MCF2L2: variants seen among roughly 807,000 people sequenced by gnomAD.
The protein encoded by MCF2L2 is probable guanine nucleotide exchange factor MCF2L2.
MCF2L2 carries 102 observed loss-of-function variants against 150.2 expected under a neutral mutation model. The ratio of observed to expected loss-of-function variants is 0.68; its 90% CI spans 0.58 to 0.80. MCF2L2 has a LOEUF of 0.80. Ranked by LOEUF, MCF2L2 falls within the 30% of genes least tolerant of loss-of-function variation. The probability of loss-of-function intolerance (pLI) is 0.00; values close to 1 mark genes in which losing one functional copy is unlikely to be tolerated. For synonymous variants in MCF2L2, 465 were observed against 491.3 expected (o/e 0.95, Z 0.71); for missense variants, 1,256 against 1,372.8 (o/e 0.91, Z 1.34).
intron 3 of MCF2L2, among the ~76,000 whole-genome samples, chr3:183,343,690 C>T (rs760478370): frequency 4.3e-4 from 66 of 152,006 alleles, no homozygotes; most frequent in Admixed American, 1.4e-3. Context: ...CTTGAATCTG[C>T]AAGAAGAAAT....
chr3:183,341,727 C>A, intron 3 of MCF2L2, 97 bp from the exon 4 acceptor site: 1 of 807,830 alleles, frequency 1.2e-6, no homozygotes, highest in South Asian at 1.4e-5. Flanking sequence ...CCACAGCACT[C>A]CAGGCTCACC....
chr3:183,274,733 A>G (rs1336013891), intron 15 of MCF2L2, among the ~76,000 whole-genome samples: 5 of 152,242 alleles, frequency 3.3e-5, no homozygotes, highest in African/African-American at 1.2e-4. Flanking sequence ...ATGCAAGGTT[A>G]TTCATTCTGT....
chr3:183,241,921 T>G (rs1015995942), intron 15 of MCF2L2, among the ~76,000 whole-genome samples: 1 of 152,138 alleles, frequency 6.6e-6, no homozygotes, highest in Non-Finnish European at 1.5e-5. Context: ...TGGTCTCAGA[T>G]AGAGATGAGG....
chr3:183,419,261 G>C (rs73186903), intron 1 of MCF2L2, among the ~76,000 whole-genome samples: 2 of 152,110 alleles, frequency 1.3e-5, no homozygotes, highest in Non-Finnish European at 2.9e-5. Flanking sequence ...CCCTGGGCCC[G>C]GCCCATACAA....
Position 183,276,833 on chromosome 3 carries a change from A to AT in MCF2L2, c.1862+38_1862+39insA, listed in dbSNP as rs140258580. On this transcript the variant is annotated intron_variant, in intron 15 of 29. Transcript: ENST00000328913. ...AGGATCCTCGCCACCCATGCCCCGCACCCCCTCGCCCCCTGCACCCACGGA... is the reference window on the plus strand; with the variant it reads ...AGGATCCTCGCCACCCATGCCCCGCATCCCCCTCGCCCCCTGCACCCACGGA... 5.3e-3 allele frequency: 7,738 copies of AT among 1,467,222 alleles called. 322 individuals carry two copies. In the African/African-American group the frequency reaches 0.089, roughly 17 times the overall value. The allele number at this position is 1,467,222 out of a possible 1,614,324, so 90.9% of individuals were successfully genotyped here.
intron 3 of MCF2L2, chr3:183,375,914 G>GACAT (rs1713163607): frequency 6.6e-6 from 1 of 152,176 alleles, no homozygotes; most frequent in Non-Finnish European, 1.5e-5. Context: ...AATCTGACAT[G>GACAT]GAAATTAGAC....
chr3:183,410,603 G>A (rs1715273103), intron 1 of MCF2L2, among the ~76,000 whole-genome samples: 1 of 152,178 alleles, frequency 6.6e-6, no homozygotes, highest in South Asian at 2.1e-4. Flanking sequence ...TATGGTGCCC[G>A]AGCACCTAGG....
rs1247272581 is a variant in MCF2L2, at chr3:183,216,570, ATATATATATATTTTTTTTTTTTTT to A, written c.2371-500_2371-477del. Among the ~76,000 whole-genome samples the A allele has an allele frequency of 1.0e-3, 28 of 26,978 alleles. 2 individuals carry two copies. Among genetic ancestry groups the A allele is most frequent in the East Asian group, 1.8e-3 (1 of 548 alleles). 17.7% of individuals were successfully genotyped at this position (26,978 alleles called of 152,430 possible). On this transcript the variant is annotated intron_variant, in intron 21 of 29. Coordinates refer to ENST00000328913, the MANE Select transcript of MCF2L2 (RefSeq NM_015078.4). ...ATATATATTATATATATATATATAT[ATATATATATATTTTTTTTTTTTTT>A]TTTTTTTTTTTTTTTTTTTTTTGAG...
intron 15 of MCF2L2, among the ~76,000 whole-genome samples, chr3:183,242,207 C>T (rs993173387): frequency 6.6e-6 from 1 of 151,966 alleles, no homozygotes; most frequent in Non-Finnish European, 1.5e-5. Context: ...AAATTGGCAG[C>T]CTGATGATGT....
chr3:183,211,762 T>C (rs1722732427), intron 22 of MCF2L2, among the ~76,000 whole-genome samples: 1 of 152,216 alleles, frequency 6.6e-6, no homozygotes, highest in Admixed American at 6.5e-5. Context: ...ATTTATTTAT[T>C]TATTGGCATT....
intron 2 of MCF2L2, among the ~76,000 whole-genome samples, chr3:183,382,209 C>T (rs1463819198): frequency 1.3e-5 from 2 of 152,068 alleles, no homozygotes; most frequent in South Asian, 2.1e-4. Flanking sequence ...CAGGCACATG[C>T]CACCACGCCC....
chr3:183,418,922 T>G (rs1715733832), intron 1 of MCF2L2, among the ~76,000 whole-genome samples: 1 of 152,188 alleles, frequency 6.6e-6, no homozygotes, highest in Non-Finnish European at 1.5e-5. Flanking sequence ...TCTCACAGCT[T>G]CACTAGGCAG....
At chr3:183,302,181 A>C (rs1728884537) in intron 10 of MCF2L2, among the ~76,000 whole-genome samples, 1 of 152,102 alleles carries the variant, frequency 6.6e-6, no homozygotes. Context: ...GGATTCTAAG[A>C]AGCTTGTGCC....
At chr3:183,296,839 G>T in intron 12 of MCF2L2, 137 bp downstream of exon 12, 1 of 891,344 alleles carries the variant, frequency 1.1e-6, no homozygotes. Flanking sequence ...GAGGCCGCCG[G>T]AGGGCTTCGG....
chr3:183,255,159 C>T (rs1339688525), intron 15 of MCF2L2, among the ~76,000 whole-genome samples: 1 of 152,070 alleles, frequency 6.6e-6, no homozygotes, highest in African/African-American at 2.4e-5. Flanking sequence ...TTGCCTGTTC[C>T]CTGTGGGGGA....
chr3:183,377,413 A>G (rs1191188578), intron 3 of MCF2L2: 1 of 152,104 alleles, frequency 6.6e-6, no homozygotes, highest in African/African-American at 2.4e-5. Flanking sequence ...AGCATATTTT[A>G]ACCCCTTCAT....
intron 15 of MCF2L2, chr3:183,271,825 G>A (rs1726807125): frequency 6.0e-6 from 1 of 166,898 alleles, no homozygotes; most frequent in African/African-American, 2.4e-5. Flanking sequence ...ATATAATAAT[G>A]GAGAGACTTC....
intron 1 of MCF2L2, among the ~76,000 whole-genome samples, chr3:183,397,397 G>A (rs762433548): frequency 3.3e-5 from 5 of 152,188 alleles, no homozygotes; most frequent in Non-Finnish European, 5.9e-5. Flanking sequence ...AGGAGAGATG[G>A]AAGAGGGAGG....
At chr3:183,269,965 A>T in intron 15 of MCF2L2, 2 of 1,614,160 alleles carry the variant, frequency 1.2e-6, no homozygotes, top group Non-Finnish European at 1.7e-6. Context: ...AATAGCTATG[A>T]CTTTGTGAAT....
Sources: gnomAD v4.1 joint callset for allele counts (sites outside exome capture counted in the v4.1 genomes callset) on GRCh38, gnomAD v4.1.1 for gene constraint, MANE v1.5 for transcripts, NCBI Gene and HGNC (gene_info 2026-07-23, HGNC 2026-07-21) for gene names.